The following PPP1CB variants were observed in gnomAD, a reference collection of about 807,000 sequenced individuals.
PPP1CB encodes protein phosphatase 1 catalytic subunit beta, also known as serine/threonine-protein phosphatase PP1-beta catalytic subunit.
A neutral mutation model predicts 43.7 loss-of-function variants in PPP1CB; 2 were observed. The ratio of observed to expected loss-of-function variants is 0.05; its 90% confidence interval spans 0.02 to 0.14. PPP1CB has a LOEUF of 0.14. PPP1CB is among the 10% of genes least tolerant of loss of function. The probability of loss-of-function intolerance (pLI) is 1.00; values close to 1 mark genes in which losing one functional copy is unlikely to be tolerated. For missense variants in PPP1CB, 84 were observed against 398.0 expected (o/e 0.21, Z 6.71); for synonymous variants, 136 against 135.6 (o/e 1.00, Z -0.02).
At position 28,778,575 on chromosome 2, in the gene PPP1CB, C is replaced by T. The variant is rs909797140; in HGVS notation, c.185-234C>T. 3.1e-5 allele frequency: 16 copies of T among 520,952 alleles called. No homozygotes were observed. The Admixed American group carries it at 3.4e-4, about 11-fold the overall frequency. The allele number at this position is 520,952 out of a possible 1,614,324, so 32.3% of individuals were successfully genotyped here. ...TTCATTAGACAGCTGGTTTCATCAG[C>T]GAGCATGGAAGAAGGTGAGAGAGTG... On this transcript the variant is annotated intron_variant, in intron 2 of 7. Coordinates refer to ENST00000395366, the MANE Select transcript of PPP1CB (RefSeq NM_002709.3).
In PPP1CB at chr2:28,751,844, T is replaced by C. The variant is rs1403760801; in HGVS notation, c.-281T>C. 3 of 523,540 alleles carry C rather than the reference T, an allele frequency of 5.7e-6. No individual in the cohort carries two copies. Among genetic ancestry groups the C allele is most frequent in the East Asian group, 7.4e-5 (2 of 26,964 alleles). 32.4% of individuals were successfully genotyped at this position (523,540 alleles called of 1,614,324 possible). ...TGGTGAGCTTTGCGGAGCTGGGCGG[T>C]GCCGAGGAGGAGGAGGTGGCGGCCT... On this transcript the variant is annotated 5_prime_UTR_variant, in exon 1 of 8. Coordinates refer to ENST00000395366, the MANE Select transcript of PPP1CB (RefSeq NM_002709.3).
chr2:28,790,069 C>G (rs920889299), intron 6 of PPP1CB, among the ~76,000 whole-genome samples: 8 of 151,976 alleles, frequency 5.3e-5, no homozygotes, highest in African/African-American at 1.9e-4. Context: ...TCCTTTGAGC[C>G]CCAGGAGCTG....
chr2:28,756,490 C>T (rs1666491281), intron 1 of PPP1CB, among the ~76,000 whole-genome samples: 1 of 152,148 alleles, frequency 6.6e-6, no homozygotes, highest in South Asian at 2.1e-4. Flanking sequence ...TTTAGTTAGG[C>T]TGACAGACTA....
Position 28,752,036 on chromosome 2 carries a change from A to G in PPP1CB, c.-89A>G, listed in dbSNP as rs1666302287. 1 of 1,250,632 alleles carries G rather than the reference A, an allele frequency of 8.0e-7. No individual in the cohort carries two copies. Among genetic ancestry groups the G allele is most frequent in the Non-Finnish European group, 1.1e-6 (1 of 874,816 alleles). The allele number at this position is 1,250,632 out of a possible 1,614,324, so 77.5% of individuals were successfully genotyped here. A position where few individuals can be genotyped will look rare whatever the true frequency, so the allele number is the denominator to read the frequency against. Reference sequence around the variant, plus strand: ...GGGGTCGAAACGCCGCGTGACTTGTAGGTGAGAGAACGCCGAGCCGTCGCC... The same window carrying G: ...GGGGTCGAAACGCCGCGTGACTTGTGGGTGAGAGAACGCCGAGCCGTCGCC... On this transcript the variant is annotated 5_prime_UTR_variant, in exon 1 of 8. Coordinates refer to ENST00000395366, the MANE Select transcript of PPP1CB (RefSeq NM_002709.3).
chr2:28,757,242 T>C (rs1201612358), intron 1 of PPP1CB, among the ~76,000 whole-genome samples: 1 of 152,250 alleles, frequency 6.6e-6, no homozygotes, highest in Non-Finnish European at 1.5e-5. Context: ...TAATATTCCA[T>C]TGTATGTATA....
In PPP1CB at chr2:28,778,835, T is replaced by C. The variant is rs776456604; in HGVS notation, c.211T>C (p.Leu71=). ...AGATATTCATGGACAATATACAGATTTACTGAGATTATTTGAATATGGAGG... is the reference window on the plus strand; with the variant it reads ...AGATATTCATGGACAATATACAGATCTACTGAGATTATTTGAATATGGAGG... ...CGDIHGQYTD[L]LRLFEYGGFP... The change falls in exon 3 of 8, where the codon TTA becomes CTA. Residue 71 remains leucine, a synonymous_variant. Transcript: ENST00000395366. 6.3e-7 allele frequency: 1 copy of C among 1,596,364 alleles called. No individual in the cohort carries two copies.
chr2:28,771,310 C>G lies in PPP1CB; in HGVS notation c.53-5541C>G, dbSNP rs146622507. ...AGGTGATCCACCCACCTCGGCCTCC[C>G]AAAGTGCTGGGATTACAGGCATGAG... On this transcript the variant is annotated intron_variant, in intron 1 of 7. Coordinates refer to ENST00000395366, the MANE Select transcript of PPP1CB (RefSeq NM_002709.3). Among the ~76,000 whole-genome samples the G allele has an allele frequency of 4.2e-3, 636 of 152,184 alleles. 6 individuals are homozygous for G. Among genetic ancestry groups the G allele is most frequent in the African/African-American group, 0.014 (602 of 41,524 alleles).
chr2:28,788,392 C>G (rs1667317137), intron 5 of PPP1CB, among the ~76,000 whole-genome samples: 1 of 152,162 alleles, frequency 6.6e-6, no homozygotes, highest in African/African-American at 2.4e-5. Context: ...TATTGTTGTG[C>G]TGTAAGTGCC....
chr2:28,761,171 T>C (rs1666636812), intron 1 of PPP1CB, among the ~76,000 whole-genome samples: 1 of 152,078 alleles, frequency 6.6e-6, no homozygotes, highest in East Asian at 1.9e-4. Flanking sequence ...ATTACTGGGG[T>C]GAGCCACCGC....
intron 1 of PPP1CB, among the ~76,000 whole-genome samples, chr2:28,765,290 A>G (rs1172579662): frequency 6.6e-6 from 1 of 152,174 alleles, no homozygotes; most frequent in African/African-American, 2.4e-5. Flanking sequence ...CTTGATGCTG[A>G]TCTGTAGTGA....
At chr2:28,758,325 A>C (rs914238196) in intron 1 of PPP1CB, among the ~76,000 whole-genome samples, 2 of 152,218 alleles carry the variant, frequency 1.3e-5, no homozygotes, top group East Asian at 3.8e-4. Context: ...TACAGGTATG[A>C]AGGAATGTTA....
chr2:28,794,795 G>C (rs1310849906), intron 7 of PPP1CB, among the ~76,000 whole-genome samples: 1 of 152,072 alleles, frequency 6.6e-6, no homozygotes, highest in Non-Finnish European at 1.5e-5. Context: ...TTTTGAGGAA[G>C]CACATTGTAT....
intron 7 of PPP1CB, among the ~76,000 whole-genome samples, chr2:28,796,089 C>G (rs975041680): frequency 2.0e-5 from 3 of 152,156 alleles, no homozygotes; most frequent in African/African-American, 4.8e-5. Context: ...TGTTCAAGAT[C>G]AGATGGTTGC....
chr2:28,752,035 T>C lies in PPP1CB; in HGVS notation c.-90T>C. On this transcript the variant is annotated 5_prime_UTR_variant, in exon 1 of 8. Coordinates refer to ENST00000395366, the MANE Select transcript of PPP1CB (RefSeq NM_002709.3). ...CGGGGTCGAAACGCCGCGTGACTTG[T>C]AGGTGAGAGAACGCCGAGCCGTCGC... 2.4e-6 allele frequency: 3 copies of C among 1,246,374 alleles called. No homozygotes were observed. Among genetic ancestry groups the C allele is most frequent in the South Asian group, 2.6e-5 (2 of 77,866 alleles). 77.2% of individuals were successfully genotyped at this position (1,246,374 alleles called of 1,614,324 possible). A position where few individuals can be genotyped will look rare whatever the true frequency, so the allele number is the denominator to read the frequency against.
intron 5 of PPP1CB, among the ~76,000 whole-genome samples, chr2:28,788,059 A>G (rs942807772): frequency 3.3e-5 from 5 of 152,202 alleles, no homozygotes; most frequent in Admixed American, 2.0e-4. Context: ...ATCAAATACA[A>G]TTCCAGTGAA....
chr2:28,796,120 G>A (rs1667492418), intron 7 of PPP1CB, among the ~76,000 whole-genome samples: 1 of 152,070 alleles, frequency 6.6e-6, no homozygotes, highest in South Asian at 2.1e-4. Flanking sequence ...CTTTATTTCT[G>A]GCTCCTCCAT....
intron 2 of PPP1CB, among the ~76,000 whole-genome samples, chr2:28,777,976 C>T (rs927878713): frequency 6.6e-6 from 1 of 152,176 alleles, no homozygotes; most frequent in African/African-American, 2.4e-5. Context: ...TTGAATGGAT[C>T]AGTTAACTTA....
intron 7 of PPP1CB, among the ~76,000 whole-genome samples, chr2:28,794,874 T>C (rs1385855226): frequency 6.6e-6 from 1 of 152,146 alleles, no homozygotes; most frequent in African/African-American, 2.4e-5. Context: ...CGTACTAGGT[T>C]CAGGGGTTAC....
At position 28,800,414 on chromosome 2, in the gene PPP1CB, T is replaced by G. The variant is rs1041896133; in HGVS notation, c.*1111T>G. ...ACTATGGGTATTGGGTGCTTAACTGTCTAATATTGCCATGTGAATGTTGTA... is the reference window on the plus strand; with the variant it reads ...ACTATGGGTATTGGGTGCTTAACTGGCTAATATTGCCATGTGAATGTTGTA... On this transcript the variant is annotated 3_prime_UTR_variant, in exon 8 of 8. Coordinates refer to ENST00000395366, the MANE Select transcript of PPP1CB (RefSeq NM_002709.3). The G allele has an allele frequency of 4.6e-5, 7 of 152,284 alleles. No individual in the cohort carries two copies. Among genetic ancestry groups the G allele is most frequent in the Admixed American group, 6.6e-5 (1 of 15,242 alleles). 9.4% of individuals were successfully genotyped at this position (152,284 alleles called of 1,614,324 possible). A position where few individuals can be genotyped will look rare whatever the true frequency, so the allele number is the denominator to read the frequency against.
Sources: allele counts gnomAD v4.1 joint callset (sites outside exome capture counted in the v4.1 genomes callset), GRCh38; gene constraint gnomAD v4.1.1; transcripts MANE v1.5; gene names NCBI Gene and HGNC (gene_info 2026-07-23, HGNC 2026-07-21).